UBE4B: variants seen among roughly 807,000 people sequenced by gnomAD.
UBE4B encodes ubiquitination factor E4B, also known as ubiquitin conjugation factor E4 B.
UBE4B carries 27 observed loss-of-function variants against 148.1 expected under a neutral mutation model. The ratio of observed to expected loss-of-function variants is 0.18; its 90% CI spans 0.13 to 0.25. The LOEUF (loss-of-function observed/expected upper bound fraction) is 0.25. Among genes scored for constraint, UBE4B ranks in the 10% least tolerant of loss-of-function variants. UBE4B has a pLI of 1.00. For missense variants in UBE4B, 1,170 were observed against 1,662.4 expected (o/e 0.70, Z 5.15); for synonymous variants, 596 against 619.3 (o/e 0.96, Z 0.56).
intron 20 of UBE4B, among the ~76,000 whole-genome samples, chr1:10,149,786 T>C (rs922172547): frequency 6.6e-6 from 1 of 152,210 alleles, no homozygotes; most frequent in African/African-American, 2.4e-5. Flanking sequence ...TTAGAAGAAT[T>C]ACAATTTCAA....
intron 1 of UBE4B, among the ~76,000 whole-genome samples, chr1:10,052,811 T>G (rs934296109): frequency 3.3e-5 from 5 of 152,182 alleles, no homozygotes; most frequent in African/African-American, 1.2e-4. Flanking sequence ...AGTGGGTGGC[T>G]TGTACACAGC....
At chr1:10,175,888 T>C (rs2180184) in intron 25 of UBE4B, among the ~76,000 whole-genome samples, 53,918 of 151,912 alleles carry the variant, frequency 0.35, 9,496 homozygotes, top group African/African-American at 0.36. Flanking sequence ...TACCATTTTG[T>C]GGCATGTAGT....
At chr1:10,085,936 C>T (rs1259168649) in intron 2 of UBE4B, among the ~76,000 whole-genome samples, 3 of 151,820 alleles carry the variant, frequency 2.0e-5, no homozygotes, top group Non-Finnish European at 4.4e-5. Context: ...ATTACAGGCA[C>T]CCACCACCAC....
In UBE4B at chr1:10,111,230, C is replaced by T. The variant is rs1018868972; in HGVS notation, c.1196+4647C>T. On this transcript the variant is annotated intron_variant, in intron 7 of 27. Coordinates refer to ENST00000343090, the MANE Select transcript of UBE4B (RefSeq NM_001105562.3). ...CCACATACTACACACACACACACCACGCGCTACACACACACCCCCACACCA... is the reference window on the plus strand; with the variant it reads ...CCACATACTACACACACACACACCATGCGCTACACACACACCCCCACACCA... Among the ~76,000 whole-genome samples the T allele has an allele frequency of 7.2e-5, 11 of 151,754 alleles. No individual in the cohort carries two copies. In the East Asian group the frequency reaches 9.6e-4, roughly 13 times the overall value.
chr1:10,057,572 T>G (rs2101805602), intron 1 of UBE4B, among the ~76,000 whole-genome samples: 1 of 151,454 alleles, frequency 6.6e-6, no homozygotes, highest in African/African-American at 2.4e-5. Context: ...GCCAGGCTAA[T>G]TTTTTGATTT....
chr1:10,101,342 T>A, intron 4 of UBE4B, 147 bp downstream of exon 4: 1 of 678,410 alleles, frequency 1.5e-6, no homozygotes, highest in Non-Finnish European at 2.5e-6. Context: ...GAAAAATGAA[T>A]AACCTAGATT....
chr1:10,136,983 G>C, intron 16 of UBE4B, 84 bp from the exon 17 acceptor site: 1 of 1,408,672 alleles, frequency 7.1e-7, no homozygotes, highest in South Asian at 1.3e-5. Flanking sequence ...AAATTCAAAT[G>C]TAATTTTCTC....
At chr1:10,087,477 A>G (rs925382785) in intron 2 of UBE4B, among the ~76,000 whole-genome samples, 2 of 152,216 alleles carry the variant, frequency 1.3e-5, no homozygotes, top group African/African-American at 2.4e-5. Flanking sequence ...CTTAGTCTCC[A>G]TTGGTCTACA....
Position 10,135,079 on chromosome 1 carries a change from T to G in UBE4B, c.2117T>G (p.Val706Gly). 1 of 1,614,176 alleles carries G rather than the reference T, an allele frequency of 6.2e-7. No individual in the cohort carries two copies. Residue 706 changes from valine to glycine, a missense_variant, in exon 16 of 28, where the codon GTT becomes GGT. Transcript: ENST00000343090. ...AGTACAAAAATCAAGTTAGAAACAG[T>G]TGATCCCACGTATATTTTTCACCCA... ...QLSTKIKLET[V>G]DPTYIFHPRC...
intron 25 of UBE4B, among the ~76,000 whole-genome samples, chr1:10,175,441 G>T (rs1019663676): frequency 5.3e-5 from 8 of 151,738 alleles, no homozygotes; most frequent in Admixed American, 1.3e-4. Context: ...CACAAGGTCA[G>T]GAGATCGAGA....
At chr1:10,112,108 G>A (rs775410064) in intron 7 of UBE4B, among the ~76,000 whole-genome samples, 9 of 152,182 alleles carry the variant, frequency 5.9e-5, no homozygotes, top group African/African-American at 9.6e-5. Context: ...TGCACAGATC[G>A]GATGCACGTG....
intron 23 of UBE4B, among the ~76,000 whole-genome samples, chr1:10,165,883 T>G (rs946678551): frequency 6.6e-6 from 1 of 152,220 alleles, no homozygotes; most frequent in Non-Finnish European, 1.5e-5. Flanking sequence ...AGATCCTCCC[T>G]AACGGAATCT....
In UBE4B at chr1:10,179,888, T is replaced by A; in HGVS notation, c.3848-7T>A. On this transcript the variant is annotated splice_polypyrimidine_tract_variant and splice_region_variant and intron_variant, in intron 27 of 27. Transcript: ENST00000343090. Reference sequence around the variant, plus strand: ...GGGCATTAATCCTCCTTTTTTTCTTTTCTCAGTGCCAGAACTGAAAGAGCA... The same window carrying A: ...GGGCATTAATCCTCCTTTTTTTCTTATCTCAGTGCCAGAACTGAAAGAGCA... 1.2e-6 allele frequency: 2 copies of A among 1,613,814 alleles called. No individual in the cohort carries two copies. The highest frequency in any genetic ancestry group is 4.5e-5 in the East Asian group (2 of 44,886).
rs560911670 is a variant in UBE4B at position 10,126,719 on chromosome 1, G to A, written c.1555-75G>A. On this transcript the variant is annotated intron_variant, in intron 10 of 27. Transcript: ENST00000343090. The stretch of plus-strand genomic sequence containing the variant: ...AATGAAATTTGGACATTCAGTTCTA[G>A]CACCTTATTTGACATACTTCCCACT... 1.1e-3 allele frequency: 1,468 copies of A among 1,287,040 alleles called. 4 individuals carry two copies. The highest frequency in any genetic ancestry group is 1.5e-3 in the Non-Finnish European group (1,386 of 896,874). The allele number at this position is 1,287,040 out of a possible 1,614,324, so 79.7% of individuals were successfully genotyped here.
chr1:10,092,323 A>C (rs1365904465), intron 2 of UBE4B, among the ~76,000 whole-genome samples: 1 of 152,028 alleles, frequency 6.6e-6, no homozygotes, highest in Non-Finnish European at 1.5e-5. Context: ...CTCCCAGGTT[A>C]AAGCGATTCT....
At chr1:10,123,795 T>C (rs973043007) in intron 10 of UBE4B, among the ~76,000 whole-genome samples, 9 of 152,258 alleles carry the variant, frequency 5.9e-5, no homozygotes, top group African/African-American at 2.2e-4. Context: ...TTTTTTGAGA[T>C]GGAATTTTGC....
chr1:10,094,600 A>AT (rs1160733500), intron 2 of UBE4B, among the ~76,000 whole-genome samples: 2 of 149,462 alleles, frequency 1.3e-5, no homozygotes, highest in African/African-American at 4.9e-5. Context: ...CGCCCAGCTA[A>AT]TTTTTTTGTA....
At chr1:10,092,535 T>TAATAG (rs1553142768) in intron 2 of UBE4B, among the ~76,000 whole-genome samples, 1 of 151,644 alleles carries the variant, frequency 6.6e-6, no homozygotes, top group Admixed American at 6.6e-5. Flanking sequence ...ACCCATTTCT[T>TAATAG]AAAATAAGGA....
intron 1 of UBE4B, among the ~76,000 whole-genome samples, chr1:10,058,227 A>G (rs367563506): frequency 3.9e-5 from 6 of 152,334 alleles, no homozygotes; most frequent in Admixed American, 6.5e-5. Context: ...TGGTTAATCA[A>G]TCAAGCTTTT....
Sources: allele counts gnomAD v4.1 joint callset (sites outside exome capture counted in the v4.1 genomes callset), GRCh38; gene constraint gnomAD v4.1.1; transcripts MANE v1.5; gene names NCBI Gene and HGNC (gene_info 2026-07-23, HGNC 2026-07-21).